KCNS3: variants seen among roughly 807,000 people sequenced by gnomAD.
KCNS3 encodes potassium voltage-gated channel modifier subfamily S member 3, also known as delayed-rectifier potassium channel regulatory subunit KCNS3.
A neutral mutation model predicts 31.0 loss-of-function variants in KCNS3; 13 were observed. The observed-to-expected ratio is 0.42, with a 90% CI of 0.27 to 0.67. KCNS3 has a LOEUF of 0.67. KCNS3 is among the 30% of genes least tolerant of loss of function. KCNS3 has a pLI of 0.25. For synonymous variants in KCNS3, 238 were observed against 241.5 expected (o/e 0.99, Z 0.13); for missense variants, 545 against 622.4 (o/e 0.88, Z 1.32).
intron 2 of KCNS3, among the ~76,000 whole-genome samples, chr2:17,922,033 T>C (rs1044618420): frequency 1.3e-5 from 2 of 149,162 alleles, no homozygotes. Flanking sequence ...CTGGCTTTGT[T>C]TGATATGCCT....
At chr2:17,881,732 G>T (rs957122362) in intron 1 of KCNS3, among the ~76,000 whole-genome samples, 1 of 152,176 alleles carries the variant, frequency 6.6e-6, no homozygotes, top group Non-Finnish European at 1.5e-5. Flanking sequence ...TATTCCTACA[G>T]TTCCAACACT....
intron 1 of KCNS3, among the ~76,000 whole-genome samples, chr2:17,894,071 C>T (rs145075938): frequency 2.0e-3 from 298 of 151,284 alleles, no homozygotes; most frequent in African/African-American, 6.8e-3. Flanking sequence ...TACCAGTCAT[C>T]CCTATAACCC....
chr2:17,918,840 G>A (rs192436536), intron 2 of KCNS3, among the ~76,000 whole-genome samples: 237 of 152,286 alleles, frequency 1.6e-3, no homozygotes, highest in Middle Eastern at 0.01. Context: ...TATGGGAGAG[G>A]GTAGAGAAGA....
intron 1 of KCNS3, among the ~76,000 whole-genome samples, chr2:17,902,514 G>T (rs190205403): frequency 6.6e-6 from 1 of 152,268 alleles, no homozygotes; most frequent in Non-Finnish European, 1.5e-5. Flanking sequence ...TTCTAAAACT[G>T]GTGGTTTTTA....
intron 1 of KCNS3, among the ~76,000 whole-genome samples, chr2:17,888,095 T>C (rs1475300208): frequency 3.3e-5 from 5 of 152,206 alleles, no homozygotes; most frequent in Non-Finnish European, 5.9e-5. Context: ...TTGTCAGATA[T>C]ATAGATTGTG....
chr2:17,909,838 A>G (rs1275571246), intron 1 of KCNS3, among the ~76,000 whole-genome samples: 1 of 152,174 alleles, frequency 6.6e-6, no homozygotes, highest in East Asian at 1.9e-4. Context: ...GGGTGAGAGG[A>G]GTAGGAGGTA....
intron 2 of KCNS3, among the ~76,000 whole-genome samples, chr2:17,919,004 C>T (rs112676728): frequency 0.035 from 5,282 of 152,306 alleles, 103 homozygotes; most frequent in South Asian, 0.042. Context: ...GCTAGGGGCC[C>T]CTCTTGTGGT....
chr2:17,904,158 G>T (rs998199983), intron 1 of KCNS3, among the ~76,000 whole-genome samples: 4 of 152,216 alleles, frequency 2.6e-5, no homozygotes, highest in African/African-American at 9.6e-5. Context: ...ATTGTAACTG[G>T]TGTGAGATGG....
intron 1 of KCNS3, among the ~76,000 whole-genome samples, chr2:17,892,747 G>A (rs1254928894): frequency 6.6e-6 from 1 of 152,180 alleles, no homozygotes; most frequent in East Asian, 1.9e-4. Flanking sequence ...GCTCTGGGCT[G>A]GTCCTGGGGG....
intron 2 of KCNS3, among the ~76,000 whole-genome samples, chr2:17,921,066 T>G (rs888886957): frequency 6.6e-6 from 1 of 152,168 alleles, no homozygotes; most frequent in African/African-American, 2.4e-5. Context: ...TTCAGTTACA[T>G]GTACTCATTG....
intron 1 of KCNS3, among the ~76,000 whole-genome samples, chr2:17,902,664 A>G (rs1156569549): frequency 1.3e-5 from 2 of 152,198 alleles, no homozygotes; most frequent in East Asian, 3.8e-4. Context: ...CCATGCCTTA[A>G]GATGGGTAAT....
At chr2:17,930,264 A>T (rs1662927067) in intron 2 of KCNS3, among the ~76,000 whole-genome samples, 1 of 152,216 alleles carries the variant, frequency 6.6e-6, no homozygotes, top group Non-Finnish European at 1.5e-5. Context: ...GGTTCTTTTC[A>T]TGTGGATGTT....
intron 1 of KCNS3, 136 bp from the exon 2 acceptor site, chr2:17,917,544 C>T (rs3810836): frequency 0.054 from 8,242 of 152,250 alleles, 896 homozygotes; most frequent in East Asian, 0.31. Flanking sequence ...GACCACCCCC[C>T]ACTTGCTGAG....
chr2:17,885,471 G>A (rs1661623474), intron 1 of KCNS3, among the ~76,000 whole-genome samples: 1 of 152,198 alleles, frequency 6.6e-6, no homozygotes, highest in Non-Finnish European at 1.5e-5. Context: ...TAAGAAATTG[G>A]TTCACGCAAT....
chr2:17,917,046 A>G (rs1488452695), intron 1 of KCNS3, among the ~76,000 whole-genome samples: 2 of 152,138 alleles, frequency 1.3e-5, no homozygotes, highest in Non-Finnish European at 2.9e-5. Flanking sequence ...AGAAACTGAA[A>G]TTTGGCTTTT....
At chr2:17,881,665 G>C (rs1242239883) in intron 1 of KCNS3, among the ~76,000 whole-genome samples, 2 of 152,198 alleles carry the variant, frequency 1.3e-5, no homozygotes, top group Admixed American at 6.5e-5. Context: ...GTGAAGCTAG[G>C]ATTCTATCCC....
chr2:17,905,844 G>T (rs1356327290), intron 1 of KCNS3, among the ~76,000 whole-genome samples: 2 of 152,188 alleles, frequency 1.3e-5, no homozygotes, highest in Non-Finnish European at 2.9e-5. Context: ...TTTTTGATGT[G>T]CTGCTGGATT....
chr2:17,899,723 CAGAAA>C (rs1662123437), intron 1 of KCNS3, among the ~76,000 whole-genome samples: 1 of 152,108 alleles, frequency 6.6e-6, no homozygotes, highest in African/African-American at 2.4e-5. Context: ...AAAGGTTTTC[CAGAAA>C]AGTTATTTTG....
intron 1 of KCNS3, among the ~76,000 whole-genome samples, chr2:17,887,833 T>G (rs1661716191): frequency 6.6e-6 from 1 of 152,146 alleles, no homozygotes; most frequent in Non-Finnish European, 1.5e-5. Context: ...CACTTCAACA[T>G]CTACTGTTTT....
Sources: gnomAD v4.1 joint callset for allele counts (sites outside exome capture counted in the v4.1 genomes callset) on GRCh38, gnomAD v4.1.1 for gene constraint, MANE v1.5 for transcripts, NCBI Gene and HGNC (gene_info 2026-07-23, HGNC 2026-07-21) for gene names.